ROBO2: variants seen among roughly 807,000 people sequenced by gnomAD.
ROBO2 encodes the protein roundabout guidance receptor 2, also known as roundabout homolog 2.
Under a neutral mutation model 160.8 loss-of-function variants are expected in ROBO2, and 53 were observed. The observed-to-expected ratio is 0.33, with a 90% CI of 0.26 to 0.41. ROBO2 has a LOEUF of 0.41. ROBO2 is among the 10% of genes least tolerant of loss of function. The pLI is 1.00. For missense variants in ROBO2, 1,577 were observed against 1,722.4 expected, an observed-to-expected ratio of 0.92 and a Z score of 1.49; for synonymous variants, 664 against 611.7, an observed-to-expected ratio of 1.09 and a Z score of -1.26.
chr3:77,531,847 G>C (rs1333841913), intron 6 of ROBO2, among the ~76,000 whole-genome samples: 1 of 152,042 alleles, frequency 6.6e-6, no homozygotes, highest in Non-Finnish European at 1.5e-5. Flanking sequence ...TGGACAAGCT[G>C]TTACCCCATG....
At chr3:77,251,245 G>A (rs1299846934) in intron 2 of ROBO2, among the ~76,000 whole-genome samples, 1 of 152,130 alleles carries the variant, frequency 6.6e-6, no homozygotes, top group Non-Finnish European at 1.5e-5. Flanking sequence ...TTCCATTTTA[G>A]GGACCTGCAG....
intron 2 of ROBO2, among the ~76,000 whole-genome samples, chr3:76,838,473 G>A (rs982831580): frequency 2.0e-5 from 3 of 152,164 alleles, no homozygotes; most frequent in Admixed American, 2.0e-4. Context: ...TTACAAACAA[G>A]TCTCGCATTG....
chr3:76,727,892 G>C (rs1387311864), intron 2 of ROBO2, among the ~76,000 whole-genome samples: 1 of 152,044 alleles, frequency 6.6e-6, no homozygotes, highest in Non-Finnish European at 1.5e-5. Flanking sequence ...AAAATAGCTG[G>C]AAGAGATGAT....
At chr3:77,041,875 G>C (rs2064137877) in intron 1 of ROBO2, among the ~76,000 whole-genome samples, 1 of 152,086 alleles carries the variant, frequency 6.6e-6, no homozygotes, top group Non-Finnish European at 1.5e-5. Flanking sequence ...AACCTAAAGG[G>C]TATTAGTCTA....
intron 2 of ROBO2, among the ~76,000 whole-genome samples, chr3:77,293,864 C>G (rs1357959112): frequency 7.3e-6 from 1 of 137,740 alleles, no homozygotes; most frequent in African/African-American, 3.0e-5. Flanking sequence ...CTAGATCACC[C>G]CAGATGTAAA....
At chr3:76,325,304 A>G (rs1172778260) in intron 2 of ROBO2, among the ~76,000 whole-genome samples, 2 of 152,246 alleles carry the variant, frequency 1.3e-5, no homozygotes, top group South Asian at 2.1e-4. Flanking sequence ...CAGTTAGCAG[A>G]AGTTCACAAT....
chr3:76,217,888 A>G (rs1460502196), intron 2 of ROBO2, among the ~76,000 whole-genome samples: 1 of 152,234 alleles, frequency 6.6e-6, no homozygotes, highest in African/African-American at 2.4e-5. Flanking sequence ...AATATCCTTG[A>G]TGAACATTGA....
chr3:77,563,487 AT>A (rs902940804), intron 11 of ROBO2, among the ~76,000 whole-genome samples, 158 bp downstream of exon 12: 3 of 152,014 alleles, frequency 2.0e-5, no homozygotes, highest in Non-Finnish European at 2.9e-5. Context: ...AACAGAGTTA[AT>A]TTTTTTTAGT....
intron 2 of ROBO2, among the ~76,000 whole-genome samples, chr3:76,168,897 T>C (rs1246804805): frequency 6.6e-6 from 1 of 151,738 alleles, no homozygotes; most frequent in Non-Finnish European, 1.5e-5. Flanking sequence ...CACTGAGATA[T>C]ACAAATGTGT....
At chr3:76,236,009 T>G (rs957943644) in intron 2 of ROBO2, among the ~76,000 whole-genome samples, 1 of 152,278 alleles carries the variant, frequency 6.6e-6, no homozygotes, top group East Asian at 1.9e-4. Context: ...CAATAAACTT[T>G]AAGGAAATGA....
At chr3:76,851,239 T>A (rs942874718) in intron 2 of ROBO2, among the ~76,000 whole-genome samples, 18 of 152,242 alleles carry the variant, frequency 1.2e-4, no homozygotes, top group African/African-American at 4.1e-4. Flanking sequence ...CAAATAAAAT[T>A]AAAAATTCAA....
intron 2 of ROBO2, among the ~76,000 whole-genome samples, chr3:76,771,166 G>A (rs1037517502): frequency 4.0e-5 from 6 of 151,296 alleles, no homozygotes; most frequent in East Asian, 2.0e-4. Flanking sequence ...TACAATTTGA[G>A]ATGTGCTATT....
chr3:76,751,895 G>A (rs1018673422), intron 2 of ROBO2, among the ~76,000 whole-genome samples: 1 of 152,068 alleles, frequency 6.6e-6, no homozygotes, highest in Non-Finnish European at 1.5e-5. Context: ...GATTCCTCAA[G>A]GATCTAGAAC....
chr3:77,373,892 C>G (rs1161386102), intron 2 of ROBO2, among the ~76,000 whole-genome samples: 1 of 147,132 alleles, frequency 6.8e-6, no homozygotes, highest in East Asian at 2.0e-4. Flanking sequence ...AAAATGTTGG[C>G]GGGGCGCGAT....
At chr3:76,139,603 T>A (rs953116653) in intron 2 of ROBO2, among the ~76,000 whole-genome samples, 1 of 152,050 alleles carries the variant, frequency 6.6e-6, no homozygotes, top group Non-Finnish European at 1.5e-5. Flanking sequence ...AGGGTTTAGG[T>A]ACACTCTGCC....
chr3:76,008,533 C>A (rs933526816), intron 2 of ROBO2, among the ~76,000 whole-genome samples: 4 of 152,164 alleles, frequency 2.6e-5, no homozygotes, highest in African/African-American at 9.7e-5. Context: ...CAAATCCTTT[C>A]TATGATGGCA....
At chr3:77,460,324 C>A (rs868252663) in intron 2 of ROBO2, among the ~76,000 whole-genome samples, 20 of 152,098 alleles carry the variant, frequency 1.3e-4, no homozygotes, top group Middle Eastern at 3.4e-3. Flanking sequence ...ACTTGTATGG[C>A]GAAAACCATG....
chr3:77,106,871 T>C (rs2072877942), intron 2 of ROBO2, among the ~76,000 whole-genome samples: 1 of 152,244 alleles, frequency 6.6e-6, no homozygotes, highest in Non-Finnish European at 1.5e-5. Context: ...AAATACTCTA[T>C]GAAAGCATTA....
chr3:76,964,439 T>C (rs2079916391), intron 2 of ROBO2, among the ~76,000 whole-genome samples: 2 of 152,084 alleles, frequency 1.3e-5, no homozygotes, highest in African/African-American at 4.8e-5. Context: ...GCCTCCCTGG[T>C]TCAAGTGATT....
Sources: gnomAD v4.1 joint callset for allele counts (sites outside exome capture counted in the v4.1 genomes callset) on GRCh38, gnomAD v4.1.1 for gene constraint, MANE v1.5 for transcripts, NCBI Gene and HGNC (gene_info 2026-07-23, HGNC 2026-07-21) for gene names.